The following GLI2 variants were observed in gnomAD, a reference collection of about 807,000 sequenced individuals.
The protein encoded by GLI2 is transcription activator GLI2.
A neutral mutation model predicts 78.9 loss-of-function variants in GLI2; 22 were observed. The ratio of observed to expected loss-of-function variants is 0.28; its 90% CI spans 0.20 to 0.40. The LOEUF (loss-of-function observed/expected upper bound fraction) is 0.40. Among genes scored for constraint, GLI2 ranks in the 10% least tolerant of loss-of-function variants. The pLI is 1.00. For missense variants in GLI2, 2,097 were observed against 2,213.2 expected (o/e 0.95, Z 1.05); for synonymous variants, 974 against 963.7 (o/e 1.01, Z -0.20).
chr2:120,966,038 C>T (rs926940278), intron 5 of GLI2, among the ~76,000 whole-genome samples: 1 of 152,204 alleles, frequency 6.6e-6, no homozygotes, highest in Admixed American at 6.5e-5. Context: ...ACAGCGAAAG[C>T]AGAAAGTTTA....
In GLI2 at chr2:120,827,636, A is replaced by G. The variant is rs372449351; in HGVS notation, c.148+30168A>G. Among the ~76,000 whole-genome samples the G allele has an allele frequency of 4.2e-4, 64 of 152,340 alleles. 2 individuals carry two copies. In the East Asian group the frequency reaches 0.012, roughly 28 times the overall value. ...AATAGCCAAAAAGTGGAAGCTACCCAAGGGTCCATTGATGGATGAATGAAT... is the reference window on the plus strand; with the variant it reads ...AATAGCCAAAAAGTGGAAGCTACCCGAGGGTCCATTGATGGATGAATGAAT... On this transcript the variant is annotated intron_variant, in intron 2 of 13. Transcript: ENST00000361492.
chr2:120,787,595 C>T (rs1168202604), intron 1 of GLI2, among the ~76,000 whole-genome samples: 1 of 152,226 alleles, frequency 6.6e-6, no homozygotes, highest in African/African-American at 2.4e-5. Context: ...TTTCCCTCCT[C>T]AGGGCAGAGG....
chr2:120,832,364 G>A (rs1686405331), intron 2 of GLI2, among the ~76,000 whole-genome samples: 1 of 152,298 alleles, frequency 6.6e-6, no homozygotes, highest in African/African-American at 2.4e-5. Flanking sequence ...GCTAGGAAGG[G>A]TTGCAGAGGC....
chr2:120,759,212 G>A (rs1024624362), intron 1 of GLI2, among the ~76,000 whole-genome samples: 1 of 152,058 alleles, frequency 6.6e-6, no homozygotes, highest in Non-Finnish European at 1.5e-5. Context: ...CCATACCCAC[G>A]GCAAGCAAGC....
At chr2:120,961,114 A>T (rs1203917194) in intron 5 of GLI2, among the ~76,000 whole-genome samples, 1 of 152,108 alleles carries the variant, frequency 6.6e-6, no homozygotes, top group Non-Finnish European at 1.5e-5. Flanking sequence ...CCTCCACCAC[A>T]TTGAGAAGAT....
rs775280334 is a variant in GLI2, at chr2:120,989,254, G to T, written c.3289G>T (p.Asp1097Tyr). The T allele has an allele frequency of 5.6e-6, 9 of 1,613,008 alleles. No individual in the cohort carries two copies. In the African/African-American group the frequency reaches 1.2e-4, roughly 22 times the overall value. ...CGGCCAGCGCAGGATGGTGGCTGCGGACTCCAACGTGGGCCCCTCCGCCCC... is the reference window on the plus strand; with the variant it reads ...CGGCCAGCGCAGGATGGTGGCTGCGTACTCCAACGTGGGCCCCTCCGCCCC... The part of the protein sequence containing the change: ...LHGQRRMVAA[D>Y]SNVGPSAPML... The change falls in exon 14 of 14, where the codon GAC becomes TAC. Residue 1097 changes from aspartate (D) to tyrosine (Y), a missense_variant. By Grantham distance (160) the Asp-to-Tyr change is radical. This residue lies in a region of GLI2 where 1,290 missense variants were observed against 1,261.7 expected (regional missense o/e 1.02). Transcript: ENST00000361492.
intron 2 of GLI2, among the ~76,000 whole-genome samples, chr2:120,801,654 GA>G (rs1444342488): frequency 2.6e-5 from 4 of 152,246 alleles, no homozygotes; most frequent in African/African-American, 9.6e-5. Flanking sequence ...CCCTAGCAAT[GA>G]GATAGAAAGT....
intron 2 of GLI2, among the ~76,000 whole-genome samples, chr2:120,880,820 T>A (rs942988323): frequency 5.9e-5 from 9 of 152,210 alleles, no homozygotes; most frequent in Admixed American, 6.5e-5. Flanking sequence ...GAGGTGAAAA[T>A]GAGCTTAATC....
chr2:120,868,968 C>T (rs896312176), intron 2 of GLI2, among the ~76,000 whole-genome samples: 1 of 152,188 alleles, frequency 6.6e-6, no homozygotes, highest in Admixed American at 6.5e-5. Context: ...GATTTGGGAT[C>T]CTCTCAGTGC....
intron 2 of GLI2, among the ~76,000 whole-genome samples, chr2:120,844,939 C>T (rs555045796): frequency 6.6e-6 from 1 of 151,654 alleles, no homozygotes; most frequent in Non-Finnish European, 1.5e-5. Flanking sequence ...CCTGGAATTG[C>T]CCCCTGTGTA....
chr2:120,988,173 C>T (rs776803280), intron 13 of GLI2, 35 bp from the exon 14 acceptor site: 4 of 1,564,490 alleles, frequency 2.6e-6, no homozygotes, highest in Non-Finnish European at 3.5e-6. Flanking sequence ...GCCACCCACC[C>T]TTGTCCCGGT....
At chr2:120,793,715 C>T (rs546212065) in intron 1 of GLI2, among the ~76,000 whole-genome samples, 1 of 152,354 alleles carries the variant, frequency 6.6e-6, no homozygotes, top group Admixed American at 6.5e-5. Context: ...ACCTCAGGTG[C>T]ATCTGTGTGC....
chr2:120,745,131 G>C (rs1191412316), intron 1 of GLI2, among the ~76,000 whole-genome samples: 1 of 152,192 alleles, frequency 6.6e-6, no homozygotes, highest in Non-Finnish European at 1.5e-5. Context: ...GAGACTATAA[G>C]GTGGCTCTGG....
At chr2:120,759,195 T>G (rs1470742322) in intron 1 of GLI2, among the ~76,000 whole-genome samples, 4 of 151,108 alleles carry the variant, frequency 2.6e-5, no homozygotes, top group Non-Finnish European at 1.5e-5. Flanking sequence ...TGTGTGGGGG[T>G]TTTTCTCCAT....
intron 2 of GLI2, among the ~76,000 whole-genome samples, chr2:120,895,498 T>C (rs1207996300): frequency 6.6e-6 from 1 of 151,952 alleles, no homozygotes; most frequent in Non-Finnish European, 1.5e-5. Context: ...AGGTCAGGAG[T>C]TCGAGACCAA....
intron 1 of GLI2, among the ~76,000 whole-genome samples, chr2:120,744,228 C>G (rs1210771543): frequency 2.0e-5 from 3 of 152,226 alleles, no homozygotes; most frequent in Non-Finnish European, 4.4e-5. Context: ...GAAGGCACAT[C>G]ACTCAGACGT....
intron 2 of GLI2, among the ~76,000 whole-genome samples, chr2:120,910,494 C>T (rs148390491): frequency 1.3e-5 from 2 of 152,282 alleles, no homozygotes; most frequent in African/African-American, 4.8e-5. Context: ...GGGCTATTAG[C>T]GGGGTCCATC....
At chr2:120,848,648 A>T (rs549507336) in intron 2 of GLI2, among the ~76,000 whole-genome samples, 1 of 152,210 alleles carries the variant, frequency 6.6e-6, no homozygotes, top group African/African-American at 2.4e-5. Context: ...TTTCCTGCTA[A>T]AAATGGTGGC....
At chr2:120,928,350 C>A (rs13353369) in intron 3 of GLI2, among the ~76,000 whole-genome samples, 2 of 152,218 alleles carry the variant, frequency 1.3e-5, no homozygotes, top group Non-Finnish European at 2.9e-5. Context: ...GAATCTCCCC[C>A]CAACAGGCCA....
Sources: gnomAD v4.1 joint callset for allele counts (sites outside exome capture counted in the v4.1 genomes callset) on GRCh38, gnomAD v4.1.1 for gene constraint, gnomAD v4.1.1 regional missense constraint, MANE v1.5 for transcripts, NCBI Gene and HGNC (gene_info 2026-07-23, HGNC 2026-07-21) for gene names.